The following PRDM5 variants were observed in gnomAD, a reference collection of about 807,000 sequenced individuals.
The protein encoded by PRDM5 is PR domain zinc finger protein 5.
A neutral mutation model predicts 81.2 loss-of-function variants in PRDM5; 56 were observed. The ratio of observed to expected loss-of-function variants is 0.69; its 90% CI spans 0.56 to 0.86. The LOEUF is 0.86. PRDM5 is among the 40% of genes least tolerant of loss of function. The probability of loss-of-function intolerance (pLI) is 0.00; values close to 1 mark genes in which losing one functional copy is unlikely to be tolerated. For missense variants in PRDM5, 697 were observed against 770.1 expected (o/e 0.91, Z 1.12); for synonymous variants, 267 against 256.4 (o/e 1.04, Z -0.39).
chr4:120,713,613 T>G (rs1737326614), intron 14 of PRDM5, among the ~76,000 whole-genome samples: 1 of 152,230 alleles, frequency 6.6e-6, no homozygotes, highest in Admixed American at 6.5e-5. Flanking sequence ...TGGTTATCCT[T>G]AAAATATTTT....
chr4:120,834,417 C>T (rs1022832591), intron 3 of PRDM5, among the ~76,000 whole-genome samples: 1 of 152,126 alleles, frequency 6.6e-6, no homozygotes, highest in Non-Finnish European at 1.5e-5. Context: ...AGCAAGAAGA[C>T]AGCTGCCTAT....
At chr4:120,904,996 A>G (rs952760077) in intron 2 of PRDM5, among the ~76,000 whole-genome samples, 2 of 152,196 alleles carry the variant, frequency 1.3e-5, no homozygotes, top group African/African-American at 4.8e-5. Context: ...TTTGGTTCAC[A>G]TAAATGTATG....
At chr4:120,691,806 C>T (rs191704900), downstream of PRDM5, 46 of 152,058 alleles carry the variant, frequency 3.0e-4, no homozygotes, top group Admixed American at 3.0e-3. Flanking sequence ...GAGGTAATGG[C>T]AATTACATTT....
chr4:120,811,406 CT>C lies in PRDM5; in HGVS notation c.908del (p.Lys303SerfsTer24). On this transcript the variant is annotated frameshift_variant, in exon 8 of 16. Transcript: ENST00000264808. LOFTEE classifies it high-confidence loss of function. ...KKLICSVCNK[K>X]CSSASSLQEH... Reference sequence around the variant, plus strand: ...CCTGTAGGCTTGATGCTGAAGAACACTTTTTATTGCACACTGAACATATAAG... The same window carrying C: ...CCTGTAGGCTTGATGCTGAAGAACACTTTTATTGCACACTGAACATATAAG... 1 of 1,602,566 alleles carries C rather than the reference CT, an allele frequency of 6.2e-7. No individual in the cohort carries two copies. Among genetic ancestry groups the C allele is most frequent in the Non-Finnish European group, 8.5e-7 (1 of 1,171,874 alleles).
chr4:120,891,432 T>C (rs773175210), intron 2 of PRDM5, among the ~76,000 whole-genome samples: 2 of 152,188 alleles, frequency 1.3e-5, no homozygotes, highest in Non-Finnish European at 2.9e-5. Flanking sequence ...TTTTTCCTTA[T>C]TAGTCTAACT....
At chr4:120,698,468 T>G (rs1254246918) in intron 15 of PRDM5, among the ~76,000 whole-genome samples, 1 of 152,176 alleles carries the variant, frequency 6.6e-6, no homozygotes, top group Non-Finnish European at 1.5e-5. Flanking sequence ...AATCCTTGGC[T>G]TTCTTCTCCA....
At chr4:120,709,864 A>G (rs138258665) in intron 15 of PRDM5, among the ~76,000 whole-genome samples, 2 of 152,334 alleles carry the variant, frequency 1.3e-5, no homozygotes, top group East Asian at 3.9e-4. Flanking sequence ...GCATTATTTA[A>G]CACAAAGGAG....
At chr4:120,906,545 A>G (rs1184604494) in intron 2 of PRDM5, among the ~76,000 whole-genome samples, 1 of 152,226 alleles carries the variant, frequency 6.6e-6, no homozygotes, top group East Asian at 1.9e-4. Context: ...TCAACAGTCT[A>G]CACCACTGCT....
chr4:120,756,434 C>A (rs146802135), intron 13 of PRDM5, among the ~76,000 whole-genome samples: 1 of 152,304 alleles, frequency 6.6e-6, no homozygotes, highest in African/African-American at 2.4e-5. Context: ...TTACTCACTT[C>A]TCCCTCCATC....
intron 14 of PRDM5, among the ~76,000 whole-genome samples, chr4:120,744,430 C>T (rs1742641597): frequency 1.3e-5 from 2 of 151,946 alleles, no homozygotes; most frequent in African/African-American, 4.8e-5. Flanking sequence ...TAACTAAAAT[C>T]AGAGCAGAAC....
chr4:120,703,427 C>T (rs949818203), intron 15 of PRDM5, among the ~76,000 whole-genome samples: 37 of 152,070 alleles, frequency 2.4e-4, no homozygotes, highest in Non-Finnish European at 2.1e-4. Context: ...TGGGCTTAAA[C>T]GATCCTCCTG....
intron 14 of PRDM5, among the ~76,000 whole-genome samples, chr4:120,741,551 C>T (rs1256440547): frequency 4.0e-5 from 6 of 151,718 alleles, no homozygotes; most frequent in Admixed American, 6.6e-5. Flanking sequence ...AGACAGTGAG[C>T]GCAGGTCAGT....
chr4:120,806,825 C>T (rs1753039450), intron 8 of PRDM5, among the ~76,000 whole-genome samples: 1 of 152,128 alleles, frequency 6.6e-6, no homozygotes, highest in South Asian at 2.1e-4. Flanking sequence ...AAAGCAATGG[C>T]AACAAAAGCC....
intron 5 of PRDM5, 51 bp from the exon 6 acceptor site, chr4:120,816,975 CTA>C: frequency 7.1e-7 from 1 of 1,402,746 alleles, no homozygotes; most frequent in East Asian, 2.3e-5. Flanking sequence ...AACTGGAACT[CTA>C]AGACAAAAAT....
intron 2 of PRDM5, among the ~76,000 whole-genome samples, chr4:120,858,124 T>C (rs902828224): frequency 1.1e-4 from 17 of 152,218 alleles, no homozygotes; most frequent in Non-Finnish European, 5.9e-5. Context: ...TACAGTATTA[T>C]TTATTAAATA....
chr4:120,883,158 C>A (rs917476811), intron 2 of PRDM5, among the ~76,000 whole-genome samples: 2 of 152,146 alleles, frequency 1.3e-5, no homozygotes, highest in African/African-American at 4.8e-5. Context: ...ACATTACTTA[C>A]ATTTTCCCCT....
In PRDM5 at chr4:120,698,008, C is replaced by A. The variant is rs537474238; in HGVS notation, c.1729-2733G>T. ...ATAGATTAATATTAATATTAGCTGA[C>A]ATTGGTTGGAAAATTGGGAATCATT... On this transcript the variant is annotated intron_variant, in intron 15 of 15. Coordinates refer to ENST00000264808, the MANE Select transcript of PRDM5 (RefSeq NM_018699.4). Among the ~76,000 whole-genome samples, 30 of 151,678 alleles carry A rather than the reference C, an allele frequency of 2.0e-4. No homozygotes were observed. In the East Asian group the frequency reaches 4.6e-3, roughly 23 times the overall value.
intron 14 of PRDM5, among the ~76,000 whole-genome samples, chr4:120,719,426 T>A (rs843567): frequency 6.6e-6 from 1 of 152,240 alleles, no homozygotes; most frequent in Non-Finnish European, 1.5e-5. Context: ...TAAACACTTC[T>A]TCACGGTTTC....
chr4:120,714,443 G>A (rs71600499), intron 14 of PRDM5, among the ~76,000 whole-genome samples: 1 of 151,804 alleles, frequency 6.6e-6, no homozygotes, highest in African/African-American at 2.4e-5. Flanking sequence ...TGGGACCCTA[G>A]GGCTTTTAAT....
Sources: gnomAD v4.1 joint callset for allele counts (sites outside exome capture counted in the v4.1 genomes callset) on GRCh38, gnomAD v4.1.1 for gene constraint, MANE v1.5 for transcripts, NCBI Gene and HGNC (gene_info 2026-07-23, HGNC 2026-07-21) for gene names.